Variants in DNAH11 observed in about 807,000 individuals in gnomAD.
The protein encoded by DNAH11 is axonemal beta dynein heavy chain 11.
DNAH11 carries 442 observed loss-of-function variants against 526.0 expected under a neutral mutation model. The ratio of observed to expected loss-of-function variants is 0.84; its 90% CI spans 0.78 to 0.91. DNAH11 has a LOEUF of 0.91. Ranked by LOEUF, DNAH11 falls within the 40% of genes least tolerant of loss-of-function variation. The probability of loss-of-function intolerance (pLI) is 0.00; values close to 1 mark genes in which losing one functional copy is unlikely to be tolerated. For synonymous variants in DNAH11, 2,461 were observed against 1,935.9 expected, an observed-to-expected ratio of 1.27 and a Z score of -7.12; for missense variants, 6,989 against 5,448.7, an observed-to-expected ratio of 1.28 and a Z score of -8.90.
At chr7:21,547,230 A>G (rs1782837704) in intron 2 of DNAH11, among the ~76,000 whole-genome samples, 2 of 152,238 alleles carry the variant, frequency 1.3e-5, no homozygotes, top group Non-Finnish European at 2.9e-5. Flanking sequence ...TTTCCAGAGC[A>G]TGTGGCTCAG....
At chr7:21,708,218 C>T (rs1386425996) in intron 40 of DNAH11, among the ~76,000 whole-genome samples, 1 of 152,130 alleles carries the variant, frequency 6.6e-6, no homozygotes, top group East Asian at 1.9e-4. Flanking sequence ...ATGTTGCCTG[C>T]CCTGAGAGTA....
At chr7:21,737,805 T>A (rs1200511290) in intron 46 of DNAH11, among the ~76,000 whole-genome samples, 1 of 152,000 alleles carries the variant, frequency 6.6e-6, no homozygotes, top group Non-Finnish European at 1.5e-5. Context: ...GAGGGAGAGA[T>A]GATGTTAAGC....
intron 35 of DNAH11, among the ~76,000 whole-genome samples, chr7:21,695,144 G>C (rs1262730844): frequency 6.6e-6 from 1 of 152,108 alleles, no homozygotes; most frequent in Non-Finnish European, 1.5e-5. Context: ...GGAAAAATCA[G>C]TATCATGAAA....
chr7:21,853,761 A>G (rs906246371), intron 67 of DNAH11, among the ~76,000 whole-genome samples: 3 of 152,232 alleles, frequency 2.0e-5, no homozygotes, highest in African/African-American at 7.2e-5. Context: ...CCCAGAGGCT[A>G]ATACATAAAG....
At chr7:21,780,678 T>G (rs1020976410) in intron 57 of DNAH11, among the ~76,000 whole-genome samples, 8 of 152,218 alleles carry the variant, frequency 5.3e-5, no homozygotes, top group Admixed American at 3.9e-4. Context: ...ACAGGTTGTT[T>G]AGTGAAGTTC....
At chr7:21,590,130 A>G (rs1244663640) in intron 12 of DNAH11, among the ~76,000 whole-genome samples, 1 of 152,184 alleles carries the variant, frequency 6.6e-6, no homozygotes, top group African/African-American at 2.4e-5. Context: ...ATTACATGTT[A>G]TGTAACAATG....
chr7:21,879,960 C>T (rs922528963), intron 74 of DNAH11, among the ~76,000 whole-genome samples: 6 of 151,868 alleles, frequency 4.0e-5, no homozygotes, highest in African/African-American at 1.2e-4. Context: ...TGGCATGCAC[C>T]TGTAATCGCA....
At chr7:21,866,701 A>G in intron 71 of DNAH11, 38 bp downstream of exon 71, 1 of 1,560,934 alleles carries the variant, frequency 6.4e-7, no homozygotes, top group Non-Finnish European at 8.7e-7. Flanking sequence ...TGTATTAGTT[A>G]ACATAGAGGA....
At chr7:21,665,937 C>T (rs1044234222) in intron 30 of DNAH11, among the ~76,000 whole-genome samples, 1 of 151,984 alleles carries the variant, frequency 6.6e-6, no homozygotes, top group African/African-American at 2.4e-5. Context: ...TAGTTTTCTT[C>T]CTTTCAAAAT....
chr7:21,898,533 C>G (rs1784613191), intron 79 of DNAH11, among the ~76,000 whole-genome samples: 1 of 152,212 alleles, frequency 6.6e-6, no homozygotes, highest in South Asian at 2.1e-4. Flanking sequence ...CTAGAGAACT[C>G]TGGCTTTTAC....
intron 61 of DNAH11, among the ~76,000 whole-genome samples, chr7:21,796,419 A>C (rs113711887): frequency 0.01 from 1,529 of 152,318 alleles, 19 homozygotes; most frequent in African/African-American, 0.035. Context: ...AAAGGGGAAG[A>C]GACTGGAAGC....
intron 66 of DNAH11, chr7:21,851,516 C>G (rs770361548): frequency 2.3e-5 from 11 of 470,906 alleles, no homozygotes; most frequent in South Asian, 1.7e-4. Context: ...AAGTTCTGGA[C>G]ATATTTAAAA....
At chr7:21,684,337 A>G (rs1783279511) in intron 32 of DNAH11, among the ~76,000 whole-genome samples, 3 of 152,232 alleles carry the variant, frequency 2.0e-5, no homozygotes, top group South Asian at 2.1e-4. Flanking sequence ...CATAGCATTC[A>G]TTAAATGATT....
At chr7:21,559,091 AG>A (rs1232285454) in intron 3 of DNAH11, 93 bp downstream of exon 3, 1 of 1,097,314 alleles carries the variant, frequency 9.1e-7, no homozygotes, top group Non-Finnish European at 1.3e-6. Context: ...TTGGAGGCTG[AG>A]GTGGGAGGGT....
At chr7:21,794,263 G>C (rs933534848) in intron 61 of DNAH11, among the ~76,000 whole-genome samples, 1 of 152,026 alleles carries the variant, frequency 6.6e-6, no homozygotes, top group African/African-American at 2.4e-5. Flanking sequence ...TCCTTGCTTT[G>C]TTTATTTGGA....
At chr7:21,888,284 T>C (rs1001185695) in intron 76 of DNAH11, among the ~76,000 whole-genome samples, 14 of 152,192 alleles carry the variant, frequency 9.2e-5, no homozygotes, top group African/African-American at 3.4e-4. Flanking sequence ...TGCATTTGTT[T>C]AAATTCACAA....
chr7:21,782,998 C>T (rs762548883), intron 57 of DNAH11, among the ~76,000 whole-genome samples: 2 of 117,862 alleles, frequency 1.7e-5, no homozygotes, highest in African/African-American at 3.1e-5. Context: ...ATCCTGATTC[C>T]AATTTAAAAT....
chr7:21,636,181 C>A, intron 26 of DNAH11, 86 bp downstream of exon 26: 1 of 1,178,170 alleles, frequency 8.5e-7, no homozygotes, highest in Non-Finnish European at 1.2e-6. Context: ...AAAATGAATG[C>A]ATTTTTGCAT....
At chr7:21,700,237 A>G (rs981868434) in intron 36 of DNAH11, among the ~76,000 whole-genome samples, 1 of 152,194 alleles carries the variant, frequency 6.6e-6, no homozygotes, top group Admixed American at 6.5e-5. Context: ...TACAGGTAGA[A>G]CAAAGAAGGA....
Sources: allele counts gnomAD v4.1 joint callset (sites outside exome capture counted in the v4.1 genomes callset), GRCh38; gene constraint gnomAD v4.1.1; transcripts MANE v1.5; gene names NCBI Gene and HGNC (gene_info 2026-07-23, HGNC 2026-07-21).